NKAIN2: variants seen among roughly 807,000 people sequenced by gnomAD.
The protein encoded by NKAIN2 is sodium/potassium-transporting ATPase subunit beta-1-interacting protein 2.
A neutral mutation model predicts 32.6 loss-of-function variants in NKAIN2; 14 were observed. The observed-to-expected ratio is 0.43, with a 90% CI of 0.28 to 0.67. The LOEUF (loss-of-function observed/expected upper bound fraction) is 0.67. Among genes scored for constraint, NKAIN2 ranks in the 30% least tolerant of loss-of-function variants. The probability of loss-of-function intolerance (pLI) is 0.17; values close to 1 mark genes in which losing one functional copy is unlikely to be tolerated. For synonymous variants in NKAIN2, 80 were observed against 87.2 expected, an observed-to-expected ratio of 0.92 and a Z score of 0.46; for missense variants, 198 against 258.3, an observed-to-expected ratio of 0.77 and a Z score of 1.60.
chr6:124,560,746 G>T (rs569251119), intron 3 of NKAIN2, among the ~76,000 whole-genome samples: 4 of 152,248 alleles, frequency 2.6e-5, no homozygotes, highest in Admixed American at 2.6e-4. Context: ...TTCTTAGCGA[G>T]TTTTGTTGCT....
At chr6:123,940,973 G>A (rs1381820402) in intron 1 of NKAIN2, among the ~76,000 whole-genome samples, 4 of 151,798 alleles carry the variant, frequency 2.6e-5, no homozygotes, top group African/African-American at 9.7e-5. Context: ...ACATTGTACA[G>A]CTCTACGAAT....
At chr6:124,280,830 AACATATGATAATGCT>A (rs1307064204) in intron 1 of NKAIN2, among the ~76,000 whole-genome samples, 1 of 152,180 alleles carries the variant, frequency 6.6e-6, no homozygotes, top group Non-Finnish European at 1.5e-5. Context: ...TAAATTACAG[AACATATGATAATGCT>A]ACTTATGATC....
At chr6:123,923,973 A>T (rs556957404) in intron 1 of NKAIN2, among the ~76,000 whole-genome samples, 46 of 152,098 alleles carry the variant, frequency 3.0e-4, no homozygotes, top group African/African-American at 8.2e-4. Context: ...TAAAAAAATT[A>T]AAAAAAGGAT....
chr6:123,994,200 A>ATT (rs11440144), intron 1 of NKAIN2, among the ~76,000 whole-genome samples: 7,201 of 144,102 alleles, frequency 0.05, 272 homozygotes, highest in East Asian at 0.21. Flanking sequence ...AGAAACTAGG[A>ATT]TTTTTTTTTT....
At chr6:123,945,745 A>G (rs546141260) in intron 1 of NKAIN2, among the ~76,000 whole-genome samples, 4 of 152,262 alleles carry the variant, frequency 2.6e-5, no homozygotes, top group South Asian at 2.1e-4. Context: ...CCATTTCTAC[A>G]TAACAATTGG....
At chr6:124,581,800 C>G (rs542789023) in intron 3 of NKAIN2, among the ~76,000 whole-genome samples, 7 of 152,226 alleles carry the variant, frequency 4.6e-5, no homozygotes, top group African/African-American at 1.7e-4. Context: ...TGTAAAACTT[C>G]TTGAAACAAA....
intron 3 of NKAIN2, among the ~76,000 whole-genome samples, chr6:124,356,566 A>C (rs775805202): frequency 9.2e-5 from 14 of 152,154 alleles, no homozygotes; most frequent in Non-Finnish European, 1.5e-4. Context: ...AGAGGATGCC[A>C]TTTGTGTGTT....
chr6:124,348,803 A>G (rs1798573412), intron 2 of NKAIN2, among the ~76,000 whole-genome samples: 1 of 152,194 alleles, frequency 6.6e-6, no homozygotes, highest in South Asian at 2.1e-4. Flanking sequence ...GCATTGCCTC[A>G]CTGGGGAAGC....
chr6:124,546,721 A>G (rs1780107180), intron 3 of NKAIN2, among the ~76,000 whole-genome samples: 1 of 152,176 alleles, frequency 6.6e-6, no homozygotes, highest in Non-Finnish European at 1.5e-5. Flanking sequence ...GGAAGGACTT[A>G]TTATAACTCA....
chr6:124,301,095 C>T (rs1796274550), intron 2 of NKAIN2, among the ~76,000 whole-genome samples: 1 of 152,136 alleles, frequency 6.6e-6, no homozygotes, highest in African/African-American at 2.4e-5. Context: ...AAAATGGTTT[C>T]CTGGCCCAGT....
intron 1 of NKAIN2, among the ~76,000 whole-genome samples, chr6:124,118,961 G>A (rs954288002): frequency 9.9e-5 from 15 of 152,224 alleles, no homozygotes; most frequent in Middle Eastern, 3.4e-3. Flanking sequence ...TTCATGGACT[G>A]TCGTTTGCCA....
At chr6:124,730,426 C>A (rs1341686079) in intron 4 of NKAIN2, among the ~76,000 whole-genome samples, 2 of 95,778 alleles carry the variant, frequency 2.1e-5, no homozygotes, top group Admixed American at 1.2e-4. Context: ...ACTATCTGAT[C>A]TTTGACAAAC....
At chr6:124,339,953 C>G (rs1798051591) in intron 2 of NKAIN2, among the ~76,000 whole-genome samples, 1 of 152,136 alleles carries the variant, frequency 6.6e-6, no homozygotes, top group Non-Finnish European at 1.5e-5. Context: ...TACATCTTGA[C>G]TATGTTCTTT....
intron 1 of NKAIN2, among the ~76,000 whole-genome samples, chr6:123,883,378 C>T (rs1215153688): frequency 6.6e-6 from 1 of 152,092 alleles, no homozygotes; most frequent in African/African-American, 2.4e-5. Flanking sequence ...ATCTCCTGAC[C>T]TCGTGATTCA....
At chr6:124,531,342 A>G (rs1196183465) in intron 3 of NKAIN2, among the ~76,000 whole-genome samples, 1 of 152,172 alleles carries the variant, frequency 6.6e-6, no homozygotes, top group East Asian at 1.9e-4. Flanking sequence ...TTCCTTGTTG[A>G]AAAATGTGCC....
chr6:124,677,106 T>C (rs758542528), intron 4 of NKAIN2, among the ~76,000 whole-genome samples: 1 of 152,038 alleles, frequency 6.6e-6, no homozygotes, highest in Non-Finnish European at 1.5e-5. Context: ...GTAGCTGGGA[T>C]TGCAGGTCCA....
At chr6:124,059,982 T>C (rs958579995) in intron 1 of NKAIN2, among the ~76,000 whole-genome samples, 13 of 152,216 alleles carry the variant, frequency 8.5e-5, no homozygotes, top group Admixed American at 2.6e-4. Context: ...CTGCATTGTT[T>C]TCAATTTTTT....
chr6:124,412,212 T>C (rs1338766067), intron 3 of NKAIN2, among the ~76,000 whole-genome samples: 1 of 152,242 alleles, frequency 6.6e-6, no homozygotes, highest in Non-Finnish European at 1.5e-5. Context: ...TTTGTTCCAT[T>C]GCTGGTGAGG....
intron 1 of NKAIN2, among the ~76,000 whole-genome samples, chr6:124,138,645 T>TTAATAATTATGTCATATTATTAATATC (rs1786962142): frequency 9.3e-6 from 1 of 107,830 alleles, no homozygotes; most frequent in African/African-American, 4.1e-5. Context: ...GGATAATTAT[T>TTAATAATTATGTCATATTATTAATATC]ATTAATAATT....
Sources: gnomAD v4.1 joint callset for allele counts (sites outside exome capture counted in the v4.1 genomes callset) on GRCh38, gnomAD v4.1.1 for gene constraint, MANE v1.5 for transcripts, NCBI Gene and HGNC (gene_info 2026-07-23, HGNC 2026-07-21) for gene names.